Variants in SLC14A2 observed in about 807,000 individuals in gnomAD.
The protein encoded by SLC14A2 is urea transporter 2.
In SLC14A2, 91 loss-of-function variants were observed where a neutral mutation model predicts 104.6. The observed-to-expected ratio is 0.87, with a 90% CI of 0.73 to 1.04. The LOEUF is 1.04. Among genes scored for constraint, SLC14A2 ranks in the 50% least tolerant of loss-of-function variants. The probability of loss-of-function intolerance (pLI) is 0.00; values close to 1 mark genes in which losing one functional copy is unlikely to be tolerated. For synonymous variants in SLC14A2, 476 were observed against 466.4 expected (o/e 1.02, Z -0.27); for missense variants, 1,189 against 1,156.0 (o/e 1.03, Z -0.41).
At chr18:45,445,924 C>G (rs2086761914) in intron 1 of SLC14A2, among the ~76,000 whole-genome samples, 1 of 152,194 alleles carries the variant, frequency 6.6e-6, no homozygotes, top group Non-Finnish European at 1.5e-5. Flanking sequence ...GAAAGTGGTT[C>G]TTTTGGGAAA....
At chr18:45,517,693 C>T (rs966950810) in intron 2 of SLC14A2, among the ~76,000 whole-genome samples, 4 of 152,142 alleles carry the variant, frequency 2.6e-5, no homozygotes, top group African/African-American at 7.2e-5. Flanking sequence ...TCTTGGAACT[C>T]GAGGAACTCC....
At chr18:45,453,697 G>A (rs2612545) in intron 1 of SLC14A2, among the ~76,000 whole-genome samples, 38,845 of 151,848 alleles carry the variant, frequency 0.26, 5,271 homozygotes, top group South Asian at 0.48. Flanking sequence ...GTCATTCTGC[G>A]TAGATAACAA....
At chr18:45,177,490 T>A in the SLC14A2 span, among the ~76,000 whole-genome samples, 3 of 152,164 alleles carry the variant, frequency 2.0e-5, no homozygotes, top group African/African-American at 4.8e-5. Flanking sequence ...ATACATCGTG[T>A]TCCAGCCGCA....
intron 1 of SLC14A2, among the ~76,000 whole-genome samples, chr18:45,433,225 G>T (rs1370589230): frequency 6.6e-6 from 1 of 152,040 alleles, no homozygotes; most frequent in East Asian, 1.9e-4. Flanking sequence ...CATGCATACA[G>T]TGGAGAATAT....
intron 2 of SLC14A2, among the ~76,000 whole-genome samples, chr18:45,595,357 A>G (rs918469877): frequency 2.0e-5 from 3 of 151,656 alleles, no homozygotes; most frequent in African/African-American, 7.3e-5. Context: ...ATCTCATTTC[A>G]TCAATAACCC....
At chr18:45,364,361 G>A (rs754940776) in intron 1 of SLC14A2, among the ~76,000 whole-genome samples, 3 of 152,166 alleles carry the variant, frequency 2.0e-5, no homozygotes, top group African/African-American at 2.4e-5. Context: ...ATCTCAAAAT[G>A]TCACTATACT....
chr18:45,595,080 C>T (rs1164660885), intron 2 of SLC14A2, among the ~76,000 whole-genome samples: 1 of 152,174 alleles, frequency 6.6e-6, no homozygotes, highest in Non-Finnish European at 1.5e-5. Flanking sequence ...GAAATCCAAC[C>T]ATCTCATTTA....
chr18:45,555,771 C>T (rs949175971), intron 2 of SLC14A2, among the ~76,000 whole-genome samples: 3 of 152,170 alleles, frequency 2.0e-5, no homozygotes, highest in African/African-American at 7.2e-5. Context: ...AGATCAGCTA[C>T]TTGGGTCGCC....
intron 1 of SLC14A2, among the ~76,000 whole-genome samples, chr18:45,420,861 C>A (rs1351299603): frequency 6.6e-6 from 1 of 151,924 alleles, no homozygotes; most frequent in Non-Finnish European, 1.5e-5. Context: ...CCGCCTCAAC[C>A]TCCCGAGTAG....
chr18:45,491,810 G>T (rs2043007179), intron 2 of SLC14A2, among the ~76,000 whole-genome samples: 1 of 152,142 alleles, frequency 6.6e-6, no homozygotes, highest in African/African-American at 2.4e-5. Context: ...TGATAGTAGT[G>T]GGGTCATTTG....
chr18:45,248,478 A>T (rs1414980482), intron 1 of SLC14A2, among the ~76,000 whole-genome samples: 2 of 152,090 alleles, frequency 1.3e-5, no homozygotes, highest in Non-Finnish European at 2.9e-5. Flanking sequence ...GTTCCCCCCG[A>T]GATCTCAGCC....
chr18:45,518,567 G>C (rs558294847), intron 2 of SLC14A2, among the ~76,000 whole-genome samples: 141 of 152,318 alleles, frequency 9.3e-4, no homozygotes, highest in Non-Finnish European at 1.4e-3. Flanking sequence ...TCATGTCAGA[G>C]AGAACCCAGA....
At chr18:45,501,294 C>T (rs146418121) in intron 2 of SLC14A2, among the ~76,000 whole-genome samples, 1 of 152,214 alleles carries the variant, frequency 6.6e-6, no homozygotes, top group Non-Finnish European at 1.5e-5. Flanking sequence ...TCCATCAACA[C>T]TCCCCTTATA....
At chr18:45,672,387 G>A (rs2046154851) in intron 16 of SLC14A2, among the ~76,000 whole-genome samples, 1 of 152,166 alleles carries the variant, frequency 6.6e-6, no homozygotes, top group Admixed American at 6.5e-5. Flanking sequence ...ACATTAGCCA[G>A]GCATGGCGGC....
intron 2 of SLC14A2, among the ~76,000 whole-genome samples, chr18:45,606,279 T>C (rs539421059): frequency 6.6e-6 from 1 of 152,322 alleles, no homozygotes; most frequent in South Asian, 2.1e-4. Flanking sequence ...TCTGGTTCCT[T>C]TCTTATGGCA....
chr18:45,363,552 T>G (rs115370736), intron 1 of SLC14A2, among the ~76,000 whole-genome samples: 125 of 152,190 alleles, frequency 8.2e-4, no homozygotes, highest in African/African-American at 2.8e-3. Flanking sequence ...GATCGGAGTC[T>G]CAGCCTTAAA....
chr18:45,501,349 A>G (rs2043196429), intron 2 of SLC14A2, among the ~76,000 whole-genome samples: 2 of 152,242 alleles, frequency 1.3e-5, no homozygotes, highest in Non-Finnish European at 2.9e-5. Context: ...TGAGTAAGTC[A>G]GGACCAACCT....
chr18:45,555,729 C>T (rs909881520), intron 2 of SLC14A2, among the ~76,000 whole-genome samples: 3 of 152,210 alleles, frequency 2.0e-5, no homozygotes, highest in Non-Finnish European at 2.9e-5. Context: ...GAGTTTTCTC[C>T]ATTTGGCTGC....
rs1426038212 is a variant in SLC14A2 at position 45,503,138 on chromosome 18, GCAA to G, written c.-35+19817_-35+19819del. 2.6e-5 allele frequency among the ~76,000 whole-genome samples: 4 copies of G among 152,114 alleles called. 1 individual carries two copies. Among genetic ancestry groups the G allele is most frequent in the African/African-American group, 4.8e-5 (2 of 41,422 alleles). On this transcript the variant is annotated intron_variant, in intron 2 of 20. Coordinates refer to the SLC14A2 transcript ENST00000586448. The stretch of plus-strand genomic sequence containing the variant: ...AAATGTGTAATTAATGTTGATTGTG[GCAA>G]GCATGCTTCTTTTAGGTCAGATTGA...
Sources: gnomAD v4.1 joint callset for allele counts (sites outside exome capture counted in the v4.1 genomes callset) on GRCh38, gnomAD v4.1.1 for gene constraint, MANE v1.5 for transcripts, NCBI Gene and HGNC (gene_info 2026-07-23, HGNC 2026-07-21) for gene names.